Variants in GK observed in about 807,000 individuals in gnomAD.
The protein encoded by GK is ATP:glycerol 3-phosphotransferase.
GK carries 9 observed loss-of-function variants against 56.4 expected under a neutral mutation model. That is an observed-to-expected ratio of 0.16 (90% CI 0.10 to 0.28). The LOEUF (loss-of-function observed/expected upper bound fraction) is 0.28. GK is among the 10% of genes least tolerant of loss of function. The pLI, the probability that GK is intolerant of heterozygous loss-of-function variation, is 1.00. For missense variants in GK, 161 were observed against 431.4 expected (o/e 0.37, Z 5.55); for synonymous variants, 104 against 144.1 (o/e 0.72, Z 1.99).
intron 4 of GK, among the ~76,000 whole-genome samples, chrX:30,686,727 T>G (rs917592682): frequency 3.6e-5 from 4 of 111,922 alleles, no homozygotes; most frequent in Non-Finnish European, 7.5e-5. Context: ...CAAACTTTTT[T>G]TTTCCAGAAC....
At chrX:30,671,570 C>T (rs931738367) in intron 3 of GK, 4 of 111,843 alleles carry the variant, frequency 3.6e-5, no homozygotes, top group Admixed American at 9.5e-5. Flanking sequence ...TATAGTCCTA[C>T]CTGACAGTCA....
intron 1 of GK, among the ~76,000 whole-genome samples, chrX:30,661,507 C>G (rs1932757719): frequency 2.0e-5 from 2 of 101,529 alleles, no homozygotes; most frequent in Admixed American, 2.3e-4. Flanking sequence ...CTAATCCTTT[C>G]TCATCAACAA....
intron 18 of GK, 162 bp downstream of exon 18, chrX:30,721,157 ATG>A: frequency 1.9e-6 from 1 of 519,265 alleles, no homozygotes; most frequent in Non-Finnish European, 3.4e-6. Flanking sequence ...TACTGAATAA[ATG>A]TGAATGAGAG....
At chrX:30,701,682 G>T (rs73632542) in intron 11 of GK, among the ~76,000 whole-genome samples, 11 of 112,035 alleles carry the variant, frequency 9.8e-5, no homozygotes, top group African/African-American at 3.6e-4. Context: ...GCCTTTCCTG[G>T]CATTGTGCTT....
At chrX:30,711,760 A>G (rs1358031529) in intron 13 of GK, among the ~76,000 whole-genome samples, 1 of 112,185 alleles carries the variant, frequency 8.9e-6, no homozygotes, top group Non-Finnish European at 1.9e-5. Flanking sequence ...AGAAAAATGC[A>G]TTAAATATCA....
intron 1 of GK, among the ~76,000 whole-genome samples, chrX:30,655,331 G>C (rs1932182042): frequency 8.9e-6 from 1 of 112,079 alleles, no homozygotes; most frequent in Admixed American, 9.5e-5. Flanking sequence ...CCAACTAACT[G>C]TGGGTTGATG....
At chrX:30,671,013 C>G (rs959463548) in intron 3 of GK, among the ~76,000 whole-genome samples, 1 of 105,589 alleles carries the variant, frequency 9.5e-6, no homozygotes, top group African/African-American at 3.5e-5. Flanking sequence ...AAAGGCTGGG[C>G]GCACAGTGGC....
At chrX:30,687,689 T>C (rs1934698754) in intron 4 of GK, 1 of 335,682 alleles carries the variant, frequency 3.0e-6, no homozygotes, top group Non-Finnish European at 6.0e-6. Context: ...TGACTTCTGC[T>C]GCCAGATCTG....
chrX:30,683,197 C>CAT (rs767551293), intron 4 of GK, among the ~76,000 whole-genome samples: 12 of 110,226 alleles, frequency 1.1e-4, no homozygotes, highest in African/African-American at 2.0e-4. Flanking sequence ...ATGATATATG[C>CAT]ATATATATAT....
chrX:30,662,846 T>C (rs1370995855), intron 1 of GK, among the ~76,000 whole-genome samples: 13 of 34,564 alleles, frequency 3.8e-4, no homozygotes, highest in African/African-American at 1.2e-3. Context: ...TCTTTCTTTC[T>C]TTCTTTCTTT....
At chrX:30,707,992 A>G in intron 12 of GK, 62 bp from the exon 13 acceptor site, 1 of 692,221 alleles carries the variant, frequency 1.4e-6, no homozygotes, top group Non-Finnish European at 2.3e-6. Flanking sequence ...ACTTTAAAAA[A>G]AAGTTCTCAT....
intron 4 of GK, 59 bp from the exon 5 acceptor site, chrX:30,691,064 G>T: frequency 1.5e-6 from 1 of 648,699 alleles, no homozygotes; most frequent in Non-Finnish European, 2.5e-6. Flanking sequence ...AGTGATTTCA[G>T]TAAGTTCTTA....
rs761261402 is a variant in GK at position 30,654,562 on chromosome X, G to T, written c.78+947G>T. Among the ~76,000 whole-genome samples, 26 of 110,231 alleles carry T rather than the reference G, an allele frequency of 2.4e-4. No homozygotes were observed. In the Admixed American group the frequency reaches 2.4e-3, roughly 10 times the overall value. On this transcript the variant is annotated intron_variant, in intron 1 of 20. Coordinates refer to ENST00000427190, the MANE Select transcript of GK (RefSeq NM_001205019.2). Reference sequence around the variant, plus strand: ...GTTCGAGACCAGCCTGGCCAACCTGGCATAACAAAAATTAGCTGGGCGTGG... The same window carrying T: ...GTTCGAGACCAGCCTGGCCAACCTGTCATAACAAAAATTAGCTGGGCGTGG...
intron 7 of GK, 118 bp downstream of exon 7, chrX:30,696,269 A>G (rs957860417): frequency 7.7e-6 from 4 of 516,415 alleles, no homozygotes; most frequent in Non-Finnish European, 1.4e-5. Context: ...TATTTCAACT[A>G]CAATATGCAA....
At chrX:30,721,175 G>A (rs1258605468) in intron 18 of GK, 180 bp downstream of exon 18, 5 of 491,736 alleles carry the variant, frequency 1.0e-5, no homozygotes, top group East Asian at 7.4e-5. Flanking sequence ...GAGAGAAATC[G>A]TTGCTTATCA....
At chrX:30,668,988 A>G (rs1184935351) in intron 3 of GK, among the ~76,000 whole-genome samples, 1 of 110,648 alleles carries the variant, frequency 9.0e-6, no homozygotes, top group Non-Finnish European at 1.9e-5. Context: ...GAGATTGGTC[A>G]AAGGTGATGC....
intron 1 of GK, among the ~76,000 whole-genome samples, chrX:30,659,447 A>G (rs937085959): frequency 8.9e-6 from 1 of 112,772 alleles, no homozygotes; most frequent in Non-Finnish European, 1.9e-5. Flanking sequence ...TGTGGCTAAT[A>G]TTTTTATTTT....
Position 30,694,486 on chromosome X carries a change from C to T in GK, c.501C>T (p.Ala167=), listed in dbSNP as rs17854202. Residue 167 remains alanine (A), a synonymous_variant, in exon 6 of 21, where the codon GCC becomes GCT. Transcript: ENST00000427190. The part of the protein sequence containing the change: ...LLDNVRKVQK[A]VEEKRALFGT... ...ACAATGTGAGAAAAGTTCAAAAGGCCGTTGAAGAAAAACGAGCTCTTTTTG... is the reference window on the plus strand; with the variant it reads ...ACAATGTGAGAAAAGTTCAAAAGGCTGTTGAAGAAAAACGAGCTCTTTTTG... 1.9e-3 allele frequency: 2,309 copies of T among 1,204,186 alleles called. 33 individuals carry two copies. In the African/African-American group the frequency reaches 0.035, roughly 18 times the overall value.
chrX:30,701,937 C>T (rs1164873518), intron 11 of GK, among the ~76,000 whole-genome samples: 1 of 112,370 alleles, frequency 8.9e-6, no homozygotes, highest in Admixed American at 9.4e-5. Context: ...CAAGGCCATG[C>T]CTTCTGAGTC....
Sources: gnomAD v4.1 joint callset for allele counts (sites outside exome capture counted in the v4.1 genomes callset) on GRCh38, gnomAD v4.1.1 for gene constraint, MANE v1.5 for transcripts, NCBI Gene and HGNC (gene_info 2026-07-23, HGNC 2026-07-21) for gene names.